The following EAPP variants were observed in gnomAD, a reference collection of about 807,000 sequenced individuals.
EAPP encodes E2F-associated phosphoprotein.
Under a neutral mutation model 34.3 loss-of-function variants are expected in EAPP, and 38 were observed. The ratio of observed to expected loss-of-function variants is 1.11; its 90% CI spans 0.85 to 1.45. The LOEUF is 1.45. EAPP is among the 40% of genes most tolerant of loss of function. The pLI is 0.00. For synonymous variants in EAPP, 113 were observed against 117.6 expected (o/e 0.96, Z 0.25); for missense variants, 338 against 343.7 (o/e 0.98, Z 0.13).
At position 34,516,936 on chromosome 14, in the gene EAPP, G is replaced by GT. The variant is rs1474965366; in HGVS notation, c.582-351dup. 3.5e-5 allele frequency among the ~76,000 whole-genome samples: 4 copies of GT among 114,770 alleles called. No individual in the cohort carries two copies. The East Asian group carries it at 1.1e-3, about 31-fold the overall frequency. The allele number at this position is 114,770 out of a possible 152,430, so 75.3% of individuals were successfully genotyped here. On this transcript the variant is annotated intron_variant, in intron 5 of 5. Transcript: ENST00000250454. ...TCCTCTTTCCTTCTGCTTTTTGAAA[G>GT]TAACTTTTTTTTTTTTTTTGAGATG...
intron 5 of EAPP, among the ~76,000 whole-genome samples, chr14:34,522,731 T>G (rs1280246762): frequency 6.6e-6 from 1 of 151,890 alleles, no homozygotes; most frequent in African/African-American, 2.4e-5. Context: ...AAGTGGGGGG[T>G]GGGTCCCAAA....
chr14:34,537,860 A>C (rs986297209), intron 1 of EAPP, among the ~76,000 whole-genome samples: 1 of 152,208 alleles, frequency 6.6e-6, no homozygotes, highest in Non-Finnish European at 1.5e-5. Context: ...AGCTACCGTG[A>C]AACAGTTAAC....
At chr14:34,538,771 G>A (rs1372849985) in intron 1 of EAPP, among the ~76,000 whole-genome samples, 1 of 152,138 alleles carries the variant, frequency 6.6e-6, no homozygotes, top group Non-Finnish European at 1.5e-5. Context: ...CAGAATGAAT[G>A]TTTTAAAGTT....
intron 4 of EAPP, among the ~76,000 whole-genome samples, chr14:34,527,865 T>C (rs1341506074): frequency 6.6e-6 from 1 of 152,078 alleles, no homozygotes; most frequent in African/African-American, 2.4e-5. Flanking sequence ...ATGAAAATGG[T>C]TGAAACTACA....
Position 34,539,683 on chromosome 14 carries a change from C to T in EAPP, c.-55G>A. 2.7e-6 allele frequency: 4 copies of T among 1,480,902 alleles called. No homozygotes were observed. In the South Asian group the frequency reaches 4.0e-5, roughly 15 times the overall value. 91.7% of individuals were successfully genotyped at this position (1,480,902 alleles called of 1,614,324 possible). On this transcript the variant is annotated 5_prime_UTR_variant, in exon 1 of 6. Coordinates refer to ENST00000250454, the MANE Select transcript of EAPP (RefSeq NM_018453.4). Reference sequence around the variant, plus strand: ...AAGCAATTTGCAGCGTCTCTGTTTACACTGCAAGTCCAGTCCCTAAAGCGC... The same window carrying T: ...AAGCAATTTGCAGCGTCTCTGTTTATACTGCAAGTCCAGTCCCTAAAGCGC...
At position 34,529,341 on chromosome 14, in the gene EAPP, T is replaced by C. The variant is rs765128295; in HGVS notation, c.470+17A>G. ...CTTTTTTTCTAAAGATTCTAAATAT[T>C]AACTTTAAGTTCTTACCCCCTTCTC... On this transcript the variant is annotated intron_variant, in intron 4 of 5. Transcript: ENST00000250454. The C allele has an allele frequency of 6.6e-7, 1 of 1,509,540 alleles. No individual in the cohort carries two copies. The highest frequency in any genetic ancestry group is 9.1e-7 in the Non-Finnish European group (1 of 1,095,220). The allele number at this position is 1,509,540 out of a possible 1,614,324, so 93.5% of individuals were successfully genotyped here.
intron 5 of EAPP, among the ~76,000 whole-genome samples, chr14:34,522,696 C>T (rs1407262299): frequency 1.3e-5 from 2 of 152,184 alleles, no homozygotes; most frequent in East Asian, 3.8e-4. Context: ...CTAGTAAACA[C>T]TGAGCGTGCT....
At chr14:34,539,212 A>G (rs1400369919) in intron 1 of EAPP, 1 of 467,722 alleles carries the variant, frequency 2.1e-6, no homozygotes, top group East Asian at 4.5e-5. Flanking sequence ...TTATGTTATT[A>G]TAGTTCAATT....
At chr14:34,523,728 G>C (rs1329608069) in intron 5 of EAPP, among the ~76,000 whole-genome samples, 1 of 151,640 alleles carries the variant, frequency 6.6e-6, no homozygotes, top group Non-Finnish European at 1.5e-5. Context: ...ATTTTTTGTA[G>C]AGATGAGGTA....
Position 34,539,669 on chromosome 14 carries a change from A to T in EAPP, c.-41T>A, listed in dbSNP as rs759079278. On this transcript the variant is annotated 5_prime_UTR_variant, in exon 1 of 6. Transcript: ENST00000250454. The stretch of plus-strand genomic sequence containing the variant: ...CCTACACCGTCCACAAGCAATTTGC[A>T]GCGTCTCTGTTTACACTGCAAGTCC... 3 of 1,508,820 alleles carry T rather than the reference A, an allele frequency of 2.0e-6. No individual in the cohort carries two copies. The African/African-American group carries it at 4.2e-5, about 21-fold the overall frequency. 93.5% of individuals were successfully genotyped at this position (1,508,820 alleles called of 1,614,324 possible).
chr14:34,533,641 T>C lies in EAPP; in HGVS notation c.257-102A>G. On this transcript the variant is annotated intron_variant, in intron 2 of 5. Transcript: ENST00000250454. ...ATCACCTCAAAACAATATCAACTCATTCACAAACTCATTTGATGGTGAAAT... is the reference window on the plus strand; with the variant it reads ...ATCACCTCAAAACAATATCAACTCACTCACAAACTCATTTGATGGTGAAAT... 3 of 681,604 alleles carry C rather than the reference T, an allele frequency of 4.4e-6. No homozygotes were observed. In the South Asian group the frequency reaches 6.1e-5, roughly 14 times the overall value. The allele number at this position is 681,604 out of a possible 1,614,324, so 42.2% of individuals were successfully genotyped here. A position where few individuals can be genotyped will look rare whatever the true frequency, so the allele number is the denominator to read the frequency against.
intron 5 of EAPP, among the ~76,000 whole-genome samples, chr14:34,516,998 C>A (rs1253741900): frequency 6.8e-6 from 1 of 146,392 alleles, no homozygotes; most frequent in Admixed American, 7.0e-5. Context: ...AGTGCAGTGG[C>A]GCGATCTCGG....
rs2138226178 is a variant in EAPP, at chr14:34,536,511, C to G, written c.75-236G>C. 1.1e-5 allele frequency: 3 copies of G among 261,010 alleles called. No individual in the cohort carries two copies. The South Asian group carries it at 2.0e-4, about 17-fold the overall frequency. 16.2% of individuals were successfully genotyped at this position (261,010 alleles called of 1,614,324 possible). ...ATGGCATCTCAGTCTGTGACCCAAC[C>G]TGGAGTGCAGTGGCATGATCTCAGC... is the stretch of plus-strand genomic sequence containing the variant. On this transcript the variant is annotated intron_variant, in intron 1 of 5. Transcript: ENST00000250454.
intron 3 of EAPP, among the ~76,000 whole-genome samples, chr14:34,530,119 G>A (rs537525114): frequency 9.2e-5 from 14 of 152,196 alleles, no homozygotes; most frequent in African/African-American, 3.1e-4. Flanking sequence ...AGAATCACTT[G>A]AACCCAGGCG....
At chr14:34,525,742 G>A (rs978221050) in intron 4 of EAPP, among the ~76,000 whole-genome samples, 6 of 152,178 alleles carry the variant, frequency 3.9e-5, no homozygotes, top group Non-Finnish European at 7.3e-5. Flanking sequence ...TATCAAGGCC[G>A]GGCTCGGTGG....
intron 2 of EAPP, 76 bp downstream of exon 2, chr14:34,536,018 C>T: frequency 9.5e-7 from 1 of 1,049,416 alleles, no homozygotes. Flanking sequence ...GTGCTGGGAA[C>T]ATAGAAGAGC....
chr14:34,530,719 G>C (rs969162466), intron 3 of EAPP, among the ~76,000 whole-genome samples: 12 of 151,508 alleles, frequency 7.9e-5, no homozygotes, highest in African/African-American at 2.9e-4. Flanking sequence ...AATTATTTAT[G>C]ATGTATGAAT....
chr14:34,534,273 T>G (rs990360765), intron 2 of EAPP, among the ~76,000 whole-genome samples: 1 of 152,000 alleles, frequency 6.6e-6, no homozygotes, highest in Non-Finnish European at 1.5e-5. Flanking sequence ...GCTGGAATTA[T>G]AGGCAACTGC....
intron 3 of EAPP, 83 bp from the exon 4 acceptor site, chr14:34,529,558 C>A: frequency 9.7e-7 from 1 of 1,032,114 alleles, no homozygotes; most frequent in Admixed American, 2.2e-5. Flanking sequence ...ATTTCCCAAG[C>A]TACACATTTA....
Sources: gnomAD v4.1 joint callset for allele counts (sites outside exome capture counted in the v4.1 genomes callset) on GRCh38, gnomAD v4.1.1 for gene constraint, MANE v1.5 for transcripts, NCBI Gene and HGNC (gene_info 2026-07-23, HGNC 2026-07-21) for gene names.